Variants in ADGRV1 observed in about 807,000 individuals in gnomAD.
ADGRV1 encodes the protein adhesion G protein-coupled receptor V1.
A neutral mutation model predicts 596.2 loss-of-function variants in ADGRV1; 359 were observed. That is an observed-to-expected ratio of 0.60 (90% CI 0.55 to 0.66). The LOEUF is 0.66. Ranked by LOEUF, ADGRV1 falls within the 30% of genes least tolerant of loss-of-function variation. The pLI is 0.00. For synonymous variants in ADGRV1, 2,681 were observed against 2,679.2 expected, an observed-to-expected ratio of 1.00 and a Z score of -0.02; for missense variants, 7,274 against 7,575.6, an observed-to-expected ratio of 0.96 and a Z score of 1.48.
At chr5:90,875,618 A>G (rs1288557396) in intron 83 of ADGRV1, among the ~76,000 whole-genome samples, 1 of 152,188 alleles carries the variant, frequency 6.6e-6, no homozygotes, top group Non-Finnish European at 1.5e-5. Flanking sequence ...ACTTCTGGAA[A>G]CTAGCTTCCT....
intron 1 of ADGRV1, among the ~76,000 whole-genome samples, chr5:90,569,387 A>ATT (rs869133714): frequency 3.1e-4 from 5 of 16,374 alleles, no homozygotes; most frequent in Admixed American, 1.5e-3. Context: ...ATATATATAT[A>ATT]TTTTTTTTTT....
chr5:90,945,868 C>T (rs1326811537), intron 83 of ADGRV1, among the ~76,000 whole-genome samples: 1 of 151,970 alleles, frequency 6.6e-6, no homozygotes, highest in African/African-American at 2.4e-5. Context: ...GTCCCAGCTA[C>T]TCTGGAGGCT....
rs556889145 is a variant in ADGRV1, at chr5:90,725,296, G to C, written c.10053+64G>C. On this transcript the variant is annotated intron_variant, in intron 47 of 89. Coordinates refer to ENST00000405460, the MANE Select transcript of ADGRV1 (RefSeq NM_032119.4). ...AAAAGAAATTAAGATTTGTAAGATT[G>C]TTCAAATTGGAAGATAATGTATGTT... The C allele has an allele frequency of 3.8e-6, 4 of 1,062,804 alleles. No homozygotes were observed. The East Asian group carries it at 1.1e-4, about 30-fold the overall frequency. The allele number at this position is 1,062,804 out of a possible 1,614,324, so 65.8% of individuals were successfully genotyped here.
rs1242049712 is a variant in ADGRV1, at chr5:90,654,113, G to A, written c.4378+161G>A. ...AACTATGTGCCTACCAAGATAATGA[G>A]AAATTCTGTCCTGAGTGTTACAGAA... On this transcript the variant is annotated intron_variant, in intron 20 of 89. Coordinates refer to ENST00000405460, the MANE Select transcript of ADGRV1 (RefSeq NM_032119.4). 1.3e-5 allele frequency: 10 copies of A among 769,994 alleles called. No homozygotes were observed. In the East Asian group the frequency reaches 2.7e-4, roughly 21 times the overall value. 47.7% of individuals were successfully genotyped at this position (769,994 alleles called of 1,614,324 possible).
intron 1 of ADGRV1, among the ~76,000 whole-genome samples, chr5:90,564,405 G>A (rs547149676): frequency 2.2e-4 from 34 of 152,206 alleles, no homozygotes; most frequent in African/African-American, 7.7e-4. Context: ...AGGTAGAGAG[G>A]ACTGGGACTA....
chr5:90,637,819 C>G lies in ADGRV1; in HGVS notation c.2111C>G (p.Pro704Arg). Reference protein sequence around the residue: ...PSGFNSKAVTPDDIGPFNGSV... With the variant: ...PSGFNSKAVTRDDIGPFNGSV... Reference sequence around the variant, plus strand: ...GGCTTTAATTCAAAAGCAGTGACCCCGGATGATATAGGCCCCTTTAATGGC... The same window carrying G: ...GGCTTTAATTCAAAAGCAGTGACCCGGGATGATATAGGCCCCTTTAATGGC... The change falls in exon 11 of 90, where the codon CCG becomes CGG. Residue 704 changes from proline to arginine, a missense_variant. Coordinates refer to ENST00000405460, the MANE Select transcript of ADGRV1 (RefSeq NM_032119.4). 6.2e-7 allele frequency: 1 copy of G among 1,613,586 alleles called. No homozygotes were observed.
chr5:90,750,126 C>T lies in ADGRV1; in HGVS notation c.10975-425C>T, dbSNP rs867374835. Among the ~76,000 whole-genome samples the T allele has an allele frequency of 4.3e-4, 65 of 152,174 alleles. 1 individual carries two copies. Among genetic ancestry groups the T allele is most frequent in the Admixed American group, 2.9e-3 (45 of 15,274 alleles). The stretch of plus-strand genomic sequence containing the variant: ...TTCTTTTACAAATAGGAAACAAAGA[C>T]CTAGTGGGATTGCCAGAAGTTACAC... On this transcript the variant is annotated intron_variant, in intron 52 of 89. Coordinates refer to ENST00000405460, the MANE Select transcript of ADGRV1 (RefSeq NM_032119.4).
In ADGRV1 at chr5:90,635,173, T is replaced by G; in HGVS notation, c.1899T>G (p.Phe633Leu). The change falls in exon 10 of 90, where the codon TTT (phenylalanine) becomes TTG (leucine). Residue 633 changes from phenylalanine to leucine, a missense_variant. Transcript: ENST00000405460. The part of the protein sequence containing the change: ...IPLIPPISPR[F>L]GEICNISLLV... ...TAATCCCACCCATAAGCCCTAGATT[T>G]GGGGAAATCTGCAATATTTCTTTAC... The G allele has an allele frequency of 6.2e-7, 1 of 1,611,726 alleles. No homozygotes were observed.
At position 90,643,786 on chromosome 5, in the gene ADGRV1, T is replaced by C. The variant is rs748220560; in HGVS notation, c.2554-17T>C. 6.4e-7 allele frequency: 1 copy of C among 1,560,616 alleles called. No homozygotes were observed. The highest frequency in any genetic ancestry group is 1.2e-5 in the South Asian group (1 of 80,856). ...AGTCAACTTTATAATTTCCATACTT[T>C]GACACATTCACTTTAGTTGGATGAA... On this transcript the variant is annotated splice_polypyrimidine_tract_variant and intron_variant, in intron 13 of 89. Coordinates refer to ENST00000405460, the MANE Select transcript of ADGRV1 (RefSeq NM_032119.4).
At chr5:90,685,588 G>A (rs1313019714) in intron 28 of ADGRV1, among the ~76,000 whole-genome samples, 192 bp from the exon 29 acceptor site, 1 of 144,490 alleles carries the variant, frequency 6.9e-6, no homozygotes, top group East Asian at 2.0e-4. Flanking sequence ...GTGGTAGAGA[G>A]TCCATCTCTA....
At position 90,672,956 on chromosome 5, in the gene ADGRV1, G is replaced by A. The variant is rs1028192; in HGVS notation, c.4929+234G>A. The A allele has an allele frequency of 0.7, 299,112 of 425,906 alleles. 107,366 individuals carry two copies. The highest frequency in any genetic ancestry group is 0.91 in the African/African-American group (44,990 of 49,370). 26.4% of individuals were successfully genotyped at this position (425,906 alleles called of 1,614,324 possible). A position where few individuals can be genotyped will look rare whatever the true frequency, so the allele number is the denominator to read the frequency against. On this transcript the variant is annotated intron_variant, in intron 22 of 89. Coordinates refer to ENST00000405460, the MANE Select transcript of ADGRV1 (RefSeq NM_032119.4). Reference sequence around the variant, plus strand: ...CAGAACTTTATCATGACATTTTTGCGTTGGATTTTAAGTGATTTCCTATGG... The same window carrying A: ...CAGAACTTTATCATGACATTTTTGCATTGGATTTTAAGTGATTTCCTATGG...
chr5:90,900,170 A>T (rs1771707316), intron 83 of ADGRV1, among the ~76,000 whole-genome samples: 1 of 152,126 alleles, frequency 6.6e-6, no homozygotes. Context: ...TTAATCTGTT[A>T]ACATGCAATA....
At chr5:91,105,602 GT>G (rs1289977630) in intron 87 of ADGRV1, among the ~76,000 whole-genome samples, 2 of 152,134 alleles carry the variant, frequency 1.3e-5, no homozygotes, top group Admixed American at 1.3e-4. Context: ...CTGAGCATTT[GT>G]TCATATATTT....
rs974696214 is a variant in ADGRV1, at chr5:90,621,173, C to T, written c.454-1424C>T. ...TTAGACTCCAGTAACATTCCTGACT[C>T]GGAGTCTCCTTGAATCACATTACTA... On this transcript the variant is annotated intron_variant, in intron 4 of 89. Coordinates refer to ENST00000405460, the MANE Select transcript of ADGRV1 (RefSeq NM_032119.4). Among the ~76,000 whole-genome samples the T allele has an allele frequency of 3.3e-5, 5 of 152,170 alleles. No individual in the cohort carries two copies. In the South Asian group the frequency reaches 8.3e-4, roughly 25 times the overall value.
At chr5:90,997,442 A>G (rs1226437845) in intron 85 of ADGRV1, among the ~76,000 whole-genome samples, 2 of 152,146 alleles carry the variant, frequency 1.3e-5, no homozygotes, top group East Asian at 3.9e-4. Context: ...CATGATTGTA[A>G]GTTTCCTGAG....
intron 77 of ADGRV1, 114 bp from the exon 78 acceptor site, chr5:90,840,464 C>A: frequency 1.3e-6 from 1 of 798,442 alleles, no homozygotes; most frequent in Non-Finnish European, 1.9e-6. Context: ...CTGTCATCAT[C>A]ATTGCCCTTC....
chr5:90,821,674 C>T (rs1267710525), intron 75 of ADGRV1, among the ~76,000 whole-genome samples: 11 of 151,540 alleles, frequency 7.3e-5, no homozygotes, highest in African/African-American at 2.2e-4. Context: ...AATAGCCTGC[C>T]GTGTGAGGTG....
chr5:90,847,736 C>A (rs1178208036), intron 78 of ADGRV1, among the ~76,000 whole-genome samples: 1 of 152,220 alleles, frequency 6.6e-6, no homozygotes, highest in Non-Finnish European at 1.5e-5. Context: ...CCCTCACTGC[C>A]CGGGGCTGGC....
intron 74 of ADGRV1, 67 bp from the exon 75 acceptor site, chr5:90,815,552 T>A: frequency 1.2e-6 from 1 of 851,254 alleles, no homozygotes; most frequent in Non-Finnish European, 1.9e-6. Flanking sequence ...CTGGCAAGAT[T>A]AGTGGAGCAT....
Sources: gnomAD v4.1 joint callset for allele counts (sites outside exome capture counted in the v4.1 genomes callset) on GRCh38, gnomAD v4.1.1 for gene constraint, MANE v1.5 for transcripts, NCBI Gene and HGNC (gene_info 2026-07-23, HGNC 2026-07-21) for gene names.